The following RTN2 variants were observed in gnomAD, a reference collection of about 807,000 sequenced individuals.
The protein encoded by RTN2 is reticulon-2.
In RTN2, 36 loss-of-function variants were observed where a neutral mutation model predicts 63.7. That is an observed-to-expected ratio of 0.56 (90% CI 0.43 to 0.75). The LOEUF (loss-of-function observed/expected upper bound fraction) is 0.75, where lower values mean the gene tolerates loss of function less well. RTN2 is among the 30% of genes least tolerant of loss of function. The pLI is 0.00. For missense variants in RTN2, 673 were observed against 705.1 expected (o/e 0.95, Z 0.52); for synonymous variants, 312 against 313.0 (o/e 1.00, Z 0.03).
Position 45,485,713 on chromosome 19 carries a change from C to G in RTN2, c.1633G>C (p.Glu545Gln), listed in dbSNP as rs749254111. The change falls in exon 11 of 11, where the codon GAA (glutamate) becomes CAA (glutamine). Residue 545 changes from glutamate to glutamine, a missense_variant. Transcript: ENST00000245923. ...TGCGGGCAGAGACACCGTTCTCATT[C>G]GGCTTTGGCTTTGGATCCGGAGACT... Reference protein sequence around the residue: ...AAVSGSKAKAE With the variant: ...AAVSGSKAKAQ 6.2e-7 allele frequency: 1 copy of G among 1,613,748 alleles called. No homozygotes were observed. The highest frequency in any genetic ancestry group is 8.5e-7 in the Non-Finnish European group (1 of 1,179,800).
At chr19:45,485,899 T>G in intron 10 of RTN2, 110 bp from the exon 11 acceptor site, 1 of 1,163,942 alleles carries the variant, frequency 8.6e-7, no homozygotes. Flanking sequence ...CGAAGCCAGC[T>G]CCTGCCCTCC....
intron 10 of RTN2, 41 bp from the exon 11 acceptor site, chr19:45,485,830 A>C: frequency 3.3e-6 from 5 of 1,505,462 alleles, no homozygotes; most frequent in East Asian, 2.3e-5. Flanking sequence ...GGGGCAAGAG[A>C]CGCGGGGTGG....
At chr19:45,491,782 G>A (rs1012103682) in intron 5 of RTN2, among the ~76,000 whole-genome samples, 2 of 151,872 alleles carry the variant, frequency 1.3e-5, no homozygotes, top group African/African-American at 2.4e-5. Context: ...TGCCCACCTC[G>A]ACCTCCTAAA....
intron 1 of RTN2, 30 bp from the exon 2 acceptor site, chr19:45,495,169 A>G (rs1257461143): frequency 2.5e-6 from 4 of 1,612,818 alleles, no homozygotes; most frequent in Non-Finnish European, 3.4e-6. Context: ...GAAGACTCTT[A>G]GAAGCTTAGA....
intron 5 of RTN2, among the ~76,000 whole-genome samples, chr19:45,490,431 C>G (rs1401555845): frequency 2.0e-5 from 3 of 152,072 alleles, no homozygotes; most frequent in Admixed American, 2.0e-4. Flanking sequence ...TCACCGCAAG[C>G]AGGGCTGCAA....
chr19:45,488,874 C>A lies in RTN2; in HGVS notation c.1354G>T (p.Val452Leu), dbSNP rs761476935. 5 of 1,604,022 alleles carry A rather than the reference C, an allele frequency of 3.1e-6. No individual in the cohort carries two copies. Among genetic ancestry groups the A allele is most frequent in the Admixed American group, 3.5e-5 (2 of 57,492 alleles). ...TTGAGGGAATCCACGAGGTCTTCTA[C>A]CAGGAAGAAGTGCCGCAGCTGCGTG... ...AATQLRHFFL[V>L]EDLVDSLKLA... is the part of the protein sequence containing the mutation. The change falls in exon 7 of 11, where the codon GTA (valine) becomes TTA (leucine). Residue 452 changes from valine to leucine, a missense_variant. Coordinates refer to ENST00000245923, the MANE Select transcript of RTN2 (RefSeq NM_005619.5).
intron 10 of RTN2, 98 bp downstream of exon 10, chr19:45,485,957 C>A: frequency 7.6e-7 from 1 of 1,319,414 alleles, no homozygotes; most frequent in Non-Finnish European, 1.1e-6. Context: ...TTCAAGGGGA[C>A]ATTACCCCAG....
rs745562398 is a variant in RTN2 at position 45,489,502 on chromosome 19, G to A, written c.1085C>T (p.Thr362Ile). 3 of 1,612,290 alleles carry A rather than the reference G, an allele frequency of 1.9e-6. No homozygotes were observed. The highest frequency in any genetic ancestry group is 2.5e-6 in the Non-Finnish European group (3 of 1,179,252). The change falls in exon 6 of 11, where the codon ACA becomes ATA. Residue 362 changes from threonine (T) to isoleucine (I), a missense_variant. Transcript: ENST00000245923. ...GCAGAGGAGGGAGACCATCAGGCCT[G>A]TGAAGACCACTCCTGACGTCCTCGT... ...KDTRTSGVVF[T>I]GLMVSLLCLL...
rs1310003513 is a variant in RTN2, at chr19:45,493,327, G to C, written c.866C>G (p.Thr289Arg). The change falls in exon 5 of 11, where the codon ACG (threonine) becomes AGG (arginine). Residue 289 changes from threonine (T) to arginine (R), a missense_variant. Physicochemically the swap from Thr to Arg is moderately conservative, Grantham distance 71. Coordinates refer to ENST00000245923, the MANE Select transcript of RTN2 (RefSeq NM_005619.5). ...TGGGGACAATTCCAAAATTGGAACC[G>C]TCTTGTAAACAGCCAAAAGCAATGA... is the stretch of plus-strand genomic sequence containing the variant. The part of the protein sequence containing the change: ...KTSLLLAVYK[T>R]VPILELSPPL... 1 of 1,611,144 alleles carries C rather than the reference G, an allele frequency of 6.2e-7. No homozygotes were observed. The highest frequency in any genetic ancestry group is 1.3e-5 in the African/African-American group (1 of 74,732).
rs1434766822 is a variant in RTN2 at position 45,486,125 on chromosome 19, A to T, written c.1498-12T>A. 2.5e-6 allele frequency: 4 copies of T among 1,613,590 alleles called. No individual in the cohort carries two copies. The South Asian group carries it at 4.4e-5, about 18-fold the overall frequency. On this transcript the variant is annotated splice_polypyrimidine_tract_variant and intron_variant, in intron 9 of 10. Transcript: ENST00000245923. ...TGGTCGATCTGAGCCTGGGGAGACC[A>T]AAGAAAGGTGAAAGAAGGGATTGGA... is the stretch of plus-strand genomic sequence containing the variant.
At chr19:45,487,031 C>CATTTTTTTT (rs1568621255) in intron 9 of RTN2, among the ~76,000 whole-genome samples, 1 of 80,338 alleles carries the variant, frequency 1.2e-5, no homozygotes, top group African/African-American at 4.6e-5. Context: ...CCATGCCCAG[C>CATTTTTTTT]CTTTTTTTTT....
chr19:45,495,428 G>A (rs904706243), intron 1 of RTN2, among the ~76,000 whole-genome samples: 5 of 152,198 alleles, frequency 3.3e-5, no homozygotes, highest in South Asian at 4.1e-4. Context: ...CACTGTTCTA[G>A]GTCCTGGGGA....
At position 45,494,075 on chromosome 19, in the gene RTN2, GTTCC is replaced by G; in HGVS notation, c.814+87_814+90del. 4 of 1,524,758 alleles carry G rather than the reference GTTCC, an allele frequency of 2.6e-6. No individual in the cohort carries two copies. Among genetic ancestry groups the G allele is most frequent in the Non-Finnish European group, 3.5e-6 (4 of 1,131,260 alleles). The allele number at this position is 1,524,758 out of a possible 1,614,324, so 94.5% of individuals were successfully genotyped here. On this transcript the variant is annotated intron_variant, in intron 4 of 10. Transcript: ENST00000245923. The surrounding 1 kb of genome is among the most constrained non-coding windows in gnomAD (Gnocchi z 5.3). ...TCTCTTCCCTTTTCCACTATGTACT[GTTCC>G]TTTGCGAGGTTGGTCCCTTTAATTC...
intron 5 of RTN2, among the ~76,000 whole-genome samples, chr19:45,492,087 A>G (rs1968172890): frequency 6.6e-6 from 1 of 152,160 alleles, no homozygotes; most frequent in South Asian, 2.1e-4. Context: ...TGTCAGGTGT[A>G]AAGTGATATC....
At position 45,494,619 on chromosome 19, in the gene RTN2, A is replaced by C; in HGVS notation, c.466T>G (p.Ser156Ala). The C allele has an allele frequency of 6.2e-7, 1 of 1,613,890 alleles. No individual in the cohort carries two copies. Among genetic ancestry groups the C allele is most frequent in the Non-Finnish European group, 8.5e-7 (1 of 1,180,012 alleles). Residue 156 changes from serine to alanine, a missense_variant, in exon 3 of 11, where the codon TCC becomes GCC. By Grantham distance (99) the Ser-to-Ala change is moderately conservative. Transcript: ENST00000245923. The surrounding 1 kb of genome is among the most constrained non-coding windows in gnomAD (Gnocchi z 5.3). ...HLGWVARGTG[S>A]GEDSSTSSST... is the part of the protein sequence containing the mutation. ...CTGCTGGTGGAAGAGTCCTCCCCGG[A>C]TCCCGTTCCCCGGGCCACCCAGCCC...
intron 9 of RTN2, among the ~76,000 whole-genome samples, chr19:45,488,082 G>A (rs182212620): frequency 1.4e-4 from 21 of 152,126 alleles, no homozygotes; most frequent in African/African-American, 2.4e-4. Context: ...GCAAAACTCC[G>A]TCTCTGCTAA....
Position 45,496,426 on chromosome 19 carries a change from T to C in RTN2, c.34+366A>G, listed in dbSNP as rs551274229. Reference sequence around the variant, plus strand: ...AAGTGATTGGGAGCCAGACCCCTGTTTTCCATCCTGGCTCTACCCTCCGTT... The same window carrying C: ...AAGTGATTGGGAGCCAGACCCCTGTCTTCCATCCTGGCTCTACCCTCCGTT... On this transcript the variant is annotated intron_variant, in intron 1 of 10. Transcript: ENST00000245923. 1.6e-4 allele frequency among the ~76,000 whole-genome samples: 24 copies of C among 152,330 alleles called. No homozygotes were observed. In the South Asian group the frequency reaches 3.7e-3, roughly 24 times the overall value.
intron 5 of RTN2, among the ~76,000 whole-genome samples, chr19:45,491,817 T>C (rs1367664340): frequency 1.3e-5 from 2 of 151,956 alleles, no homozygotes; most frequent in African/African-American, 4.8e-5. Context: ...AAATGTTTTG[T>C]AGAGATAGGG....
At chr19:45,491,948 C>T (rs1195794879) in intron 5 of RTN2, among the ~76,000 whole-genome samples, 1 of 151,884 alleles carries the variant, frequency 6.6e-6, no homozygotes, top group Admixed American at 6.6e-5. Context: ...TTTTTAATGT[C>T]ATAAATTTTG....
Sources: gnomAD v4.1 joint callset for allele counts (sites outside exome capture counted in the v4.1 genomes callset) on GRCh38, gnomAD v4.1.1 for gene constraint, Gnocchi (gnomAD v3.1) non-coding constraint, MANE v1.5 for transcripts, NCBI Gene and HGNC (gene_info 2026-07-23, HGNC 2026-07-21) for gene names.